SOX6: variants seen among roughly 807,000 people sequenced by gnomAD.
SOX6 encodes transcription factor SOX-6.
Under a neutral mutation model 97.8 loss-of-function variants are expected in SOX6, and 11 were observed. The observed-to-expected ratio is 0.11, with a 90% CI of 0.07 to 0.19. The LOEUF is 0.19. SOX6 is among the 10% of genes least tolerant of loss of function. The pLI, the probability that SOX6 is intolerant of heterozygous loss-of-function variation, is 1.00. For synonymous variants in SOX6, 360 were observed against 371.4 expected, an observed-to-expected ratio of 0.97 and a Z score of 0.35; for missense variants, 810 against 1,039.5, an observed-to-expected ratio of 0.78 and a Z score of 3.04.
At position 16,337,122 on chromosome 11, in the gene SOX6, C is replaced by T. The variant is rs1856485826; in HGVS notation, c.237+3890G>A. Among the ~76,000 whole-genome samples, 3 of 152,012 alleles carry T rather than the reference C, an allele frequency of 2.0e-5. No homozygotes were observed. The South Asian group carries it at 6.2e-4, about 31-fold the overall frequency. On this transcript the variant is annotated intron_variant, in intron 2 of 15. Transcript: ENST00000683767. Reference sequence around the variant, plus strand: ...CATTATTCACAAGTTAGTCCTTGTGCCTGGAACTTTAGTAGGTACTATACA... The same window carrying T: ...CATTATTCACAAGTTAGTCCTTGTGTCTGGAACTTTAGTAGGTACTATACA...
At chr11:16,558,996 C>T (rs1019173941) in intron 4 of SOX6, among the ~76,000 whole-genome samples, 1 of 151,812 alleles carries the variant, frequency 6.6e-6, no homozygotes, top group Non-Finnish European at 1.5e-5. Flanking sequence ...CACAAACAAC[C>T]CTTTTTAGAA....
intron 2 of SOX6, among the ~76,000 whole-genome samples, chr11:16,330,632 C>T (rs928300049): frequency 2.0e-5 from 3 of 152,162 alleles, no homozygotes; most frequent in Non-Finnish European, 2.9e-5. Flanking sequence ...CAGTTATTTT[C>T]ATCTGGCAAT....
intron 3 of SOX6, among the ~76,000 whole-genome samples, chr11:16,635,106 T>G (rs1848765419): frequency 6.6e-6 from 1 of 152,138 alleles, no homozygotes; most frequent in African/African-American, 2.4e-5. Flanking sequence ...ACCGTGAGAA[T>G]GGACTAATAC....
intron 3 of SOX6, among the ~76,000 whole-genome samples, chr11:16,696,382 T>G (rs1049365147): frequency 1.3e-5 from 2 of 152,232 alleles, no homozygotes; most frequent in African/African-American, 4.8e-5. Context: ...TAATTTCAAA[T>G]TATCTTCTAG....
intron 1 of SOX6, among the ~76,000 whole-genome samples, chr11:16,373,801 G>C (rs1857557960): frequency 1.5e-5 from 2 of 137,114 alleles, no homozygotes; most frequent in African/African-American, 5.4e-5. Context: ...TGAAAAGAAA[G>C]GGGGAGGGAG....
chr11:16,119,451 GC>G (rs1161914955), intron 6 of SOX6, among the ~76,000 whole-genome samples: 1 of 152,172 alleles, frequency 6.6e-6, no homozygotes, highest in Non-Finnish European at 1.5e-5. Flanking sequence ...GTTGGCCACA[GC>G]CTTAAGTACT....
intron 3 of SOX6, chr11:16,646,350 T>C (rs767185200): frequency 2.0e-5 from 3 of 152,222 alleles, no homozygotes; most frequent in Non-Finnish European, 1.5e-5. Flanking sequence ...TAACAACTAA[T>C]ATAATATGTT....
intron 4 of SOX6, among the ~76,000 whole-genome samples, chr11:16,540,140 T>C (rs988268578): frequency 6.6e-6 from 1 of 152,138 alleles, no homozygotes. Flanking sequence ...GTCAGCTTCA[T>C]CCCTGGGATG....
intron 4 of SOX6, among the ~76,000 whole-genome samples, chr11:16,596,962 T>C (rs546091825): frequency 5.3e-5 from 8 of 152,244 alleles, no homozygotes; most frequent in Non-Finnish European, 1.2e-4. Flanking sequence ...AAATGAGCAC[T>C]GACATTATAT....
chr11:16,601,229 T>A (rs1301013590), intron 4 of SOX6, among the ~76,000 whole-genome samples: 1 of 152,192 alleles, frequency 6.6e-6, no homozygotes, highest in East Asian at 1.9e-4. Flanking sequence ...ATTAATTTTT[T>A]AATGGTAATA....
intron 1 of SOX6, among the ~76,000 whole-genome samples, chr11:16,379,069 G>A (rs1857728735): frequency 6.6e-6 from 1 of 152,166 alleles, no homozygotes; most frequent in South Asian, 2.1e-4. Context: ...TTACAGAGCT[G>A]TTGAGTAATG....
intron 4 of SOX6, among the ~76,000 whole-genome samples, chr11:16,597,213 T>C (rs921875186): frequency 3.3e-5 from 5 of 152,028 alleles, no homozygotes; most frequent in African/African-American, 1.2e-4. Flanking sequence ...ATTAAGAGAC[T>C]TTCTCATGCC....
chr11:16,620,074 G>T (rs1848522959), intron 3 of SOX6, among the ~76,000 whole-genome samples: 1 of 152,084 alleles, frequency 6.6e-6, no homozygotes. Context: ...GCAACATTTA[G>T]TCCTTGATAT....
chr11:16,354,157 C>T (rs755166042), intron 1 of SOX6, among the ~76,000 whole-genome samples: 8 of 151,910 alleles, frequency 5.3e-5, no homozygotes, highest in Admixed American at 2.6e-4. Flanking sequence ...CTCTGAGTCT[C>T]TATGTACCCA....
At chr11:16,134,803 T>C (rs1414048608) in intron 6 of SOX6, among the ~76,000 whole-genome samples, 1 of 152,170 alleles carries the variant, frequency 6.6e-6, no homozygotes, top group Non-Finnish European at 1.5e-5. Flanking sequence ...CCCTATTCCC[T>C]GAGACAACAA....
intron 6 of SOX6, among the ~76,000 whole-genome samples, chr11:16,171,694 A>T (rs1214974314): frequency 6.6e-6 from 1 of 151,984 alleles, no homozygotes; most frequent in Non-Finnish European, 1.5e-5. Context: ...GAACTGCCTA[A>T]TAAGAACATG....
intron 11 of SOX6, among the ~76,000 whole-genome samples, chr11:16,048,794 G>C (rs1464276077): frequency 6.6e-6 from 1 of 151,966 alleles, no homozygotes; most frequent in African/African-American, 2.4e-5. Flanking sequence ...CTTTAAATCT[G>C]TGTCTGTTTG....
At chr11:16,581,456 G>A (rs1848031375) in intron 4 of SOX6, among the ~76,000 whole-genome samples, 2 of 152,102 alleles carry the variant, frequency 1.3e-5, no homozygotes, top group African/African-American at 2.4e-5. Context: ...GTGGAGGGTG[G>A]AAGGGGAGGG....
At chr11:16,269,315 T>A (rs1854175816) in intron 3 of SOX6, among the ~76,000 whole-genome samples, 1 of 150,896 alleles carries the variant, frequency 6.6e-6, no homozygotes, top group Non-Finnish European at 1.5e-5. Context: ...TTACAGACTT[T>A]ATAGTTTGCT....
Sources: allele counts gnomAD v4.1 joint callset (sites outside exome capture counted in the v4.1 genomes callset), GRCh38; gene constraint gnomAD v4.1.1; transcripts MANE v1.5; gene names NCBI Gene and HGNC (gene_info 2026-07-23, HGNC 2026-07-21).